The following AMACR variants were observed in gnomAD, a reference collection of about 807,000 sequenced individuals.
AMACR encodes alpha-methylacyl-CoA racemase.
A neutral mutation model predicts 22.2 loss-of-function variants in AMACR; 18 were observed. The ratio of observed to expected loss-of-function variants is 0.81; its 90% CI spans 0.56 to 1.20. The LOEUF (loss-of-function observed/expected upper bound fraction) is 1.20. AMACR is among the 50% of genes most tolerant of loss of function. The pLI, the probability that AMACR is intolerant of heterozygous loss-of-function variation, is 0.00. For missense variants in AMACR, 499 were observed against 490.6 expected (o/e 1.02, Z -0.16); for synonymous variants, 213 against 191.3 (o/e 1.11, Z -0.94).
Position 33,988,272 on chromosome 5 carries a change from A to C in AMACR, c.*821T>G, listed in dbSNP as rs374920284. 101 of 1,504,688 alleles carry C rather than the reference A, an allele frequency of 6.7e-5. No homozygotes were observed. Among genetic ancestry groups the C allele is most frequent in the Admixed American group, 1.2e-4 (6 of 50,926 alleles). The allele number at this position is 1,504,688 out of a possible 1,614,324, so 93.2% of individuals were successfully genotyped here. ...GCTTGTAACTTAACTCAGTCCAAGG[A>C]GACACAAAACGACTTGCTGGGGGGT... is the stretch of plus-strand genomic sequence containing the variant. On this transcript the variant is annotated 3_prime_UTR_variant, in exon 5 of 5. Coordinates refer to ENST00000335606, the MANE Select transcript of AMACR (RefSeq NM_014324.6).
At chr5:34,005,973 CAT>C in intron 1 of AMACR, 74 bp from the exon 2 acceptor site, 1 of 1,525,150 alleles carries the variant, frequency 6.6e-7, no homozygotes, top group Non-Finnish European at 9.0e-7. Flanking sequence ...CTGAGACAAA[CAT>C]AAAATAGCAC....
intron 1 of AMACR, among the ~76,000 whole-genome samples, chr5:34,006,749 G>A (rs939072637): frequency 2.0e-5 from 3 of 152,234 alleles, no homozygotes; most frequent in Non-Finnish European, 4.4e-5. Context: ...ACAGCTGTGA[G>A]GGTTAAATGA....
At chr5:33,989,673 C>A (rs926446614) in intron 4 of AMACR, among the ~76,000 whole-genome samples, 171 bp from the exon 5 acceptor site, 6 of 152,100 alleles carry the variant, frequency 3.9e-5, no homozygotes, top group Admixed American at 3.9e-4. Context: ...GAGCCAAAGG[C>A]TAGAGAGGGC....
intron 2 of AMACR, among the ~76,000 whole-genome samples, chr5:34,005,036 T>C (rs1484370156): frequency 6.6e-6 from 1 of 152,252 alleles, no homozygotes; most frequent in Non-Finnish European, 1.5e-5. Flanking sequence ...TTTGTGGTTT[T>C]AAAACAGTAA....
chr5:34,007,048 T>C (rs1754001622), intron 1 of AMACR, among the ~76,000 whole-genome samples: 1 of 152,228 alleles, frequency 6.6e-6, no homozygotes, highest in Admixed American at 6.5e-5. Flanking sequence ...AAAGGAAGAC[T>C]GGAGTCCATG....
At chr5:33,997,253 A>T (rs1753668028) in intron 4 of AMACR, 1 of 770,764 alleles carries the variant, frequency 1.3e-6, no homozygotes, top group Non-Finnish European at 2.4e-6. Flanking sequence ...TCCTTTCTTT[A>T]TTGGTCCGGA....
intron 3 of AMACR, among the ~76,000 whole-genome samples, chr5:34,004,081 TA>T (rs1753896905): frequency 6.6e-6 from 1 of 152,204 alleles, no homozygotes; most frequent in South Asian, 2.1e-4. Flanking sequence ...ACAGAAGTGT[TA>T]TGATATCAGA....
chr5:34,002,037 C>T (rs1432395064), intron 3 of AMACR, among the ~76,000 whole-genome samples: 1 of 152,220 alleles, frequency 6.6e-6, no homozygotes, highest in African/African-American at 2.4e-5. Flanking sequence ...CACTCTGTCA[C>T]CCAGGCTGAA....
chr5:34,006,335 G>A (rs1200506364), intron 1 of AMACR, among the ~76,000 whole-genome samples: 2 of 152,206 alleles, frequency 1.3e-5, no homozygotes, highest in African/African-American at 4.8e-5. Context: ...AGGCGCTAAA[G>A]TGCCTAGCAT....
intron 4 of AMACR, chr5:33,997,105 G>C (rs752799272): frequency 1.3e-5 from 10 of 759,100 alleles, no homozygotes; most frequent in South Asian, 7.0e-5. Flanking sequence ...TGCTGTGAGA[G>C]AGCCAAGTTC....
rs188455864 is a variant in AMACR at position 33,997,034 on chromosome 5, C to T, written c.739+1607G>A. On this transcript the variant is annotated intron_variant, in intron 4 of 4. Coordinates refer to ENST00000335606, the MANE Select transcript of AMACR (RefSeq NM_014324.6). ...TTTTACACGTTTATTTTCATTAAAA[C>T]TTATTTAAGTCACTTTGGACCCAGC... The T allele has an allele frequency of 1.0e-3, 694 of 662,204 alleles. 2 individuals carry two copies. In the African/African-American group the frequency reaches 0.011, roughly 11 times the overall value. 41.0% of individuals were successfully genotyped at this position (662,204 alleles called of 1,614,324 possible).
In AMACR at chr5:34,007,692, CG is replaced by C. The variant is rs1754027141; in HGVS notation, c.247+80del. The C allele has an allele frequency of 1.3e-5, 19 of 1,447,176 alleles. No homozygotes were observed. In the East Asian group the frequency reaches 4.8e-4, roughly 37 times the overall value. 89.6% of individuals were successfully genotyped at this position (1,447,176 alleles called of 1,614,324 possible). A position where few individuals can be genotyped will look rare whatever the true frequency, so the allele number is the denominator to read the frequency against. ...TTGCGGCAACAGGGCAAAGGTGTGG[CG>C]GGTGCAGCCTCGATCGAACGGCCAG... On this transcript the variant is annotated intron_variant, in intron 1 of 4. Coordinates refer to ENST00000335606, the MANE Select transcript of AMACR (RefSeq NM_014324.6).
chr5:33,995,708 T>C (rs770909287), intron 4 of AMACR, among the ~76,000 whole-genome samples: 5 of 152,152 alleles, frequency 3.3e-5, no homozygotes, highest in South Asian at 2.1e-4. Flanking sequence ...AATAACAGGA[T>C]ACACCAAGGA....
chr5:33,992,701 C>G (rs1411100760), intron 4 of AMACR, among the ~76,000 whole-genome samples: 1 of 152,056 alleles, frequency 6.6e-6, no homozygotes, highest in Non-Finnish European at 1.5e-5. Flanking sequence ...CAGTGTAAGT[C>G]CTTGTCTCAA....
At chr5:33,998,384 C>G (rs1753705935) in intron 4 of AMACR, among the ~76,000 whole-genome samples, 1 of 152,074 alleles carries the variant, frequency 6.6e-6, no homozygotes, top group African/African-American at 2.4e-5. Context: ...AAGGAGTGAA[C>G]TGTAATAAAA....
rs1753374825 is a variant in AMACR at position 33,988,673 on chromosome 5, T to A, written c.*420A>T. 8.1e-7 allele frequency: 1 copy of A among 1,230,420 alleles called. No homozygotes were observed. Among genetic ancestry groups the A allele is most frequent in the African/African-American group, 1.5e-5 (1 of 64,954 alleles). The allele number at this position is 1,230,420 out of a possible 1,614,324, so 76.2% of individuals were successfully genotyped here. On this transcript the variant is annotated 3_prime_UTR_variant, in exon 5 of 5. Transcript: ENST00000335606. Reference sequence around the variant, plus strand: ...CCTGGATGCAACCAATCACTCTGTTTCACGTGACTTTTATCACCATACAAT... The same window carrying A: ...CCTGGATGCAACCAATCACTCTGTTACACGTGACTTTTATCACCATACAAT...
chr5:34,000,164 T>G (rs932366420), intron 3 of AMACR, among the ~76,000 whole-genome samples: 6 of 152,238 alleles, frequency 3.9e-5, no homozygotes, highest in Non-Finnish European at 8.8e-5. Context: ...ATGGTTCTCC[T>G]CTCCTCTTAA....
At chr5:34,005,694 A>G (rs1753950423) in intron 2 of AMACR, 62 bp downstream of exon 2, 1 of 1,588,464 alleles carries the variant, frequency 6.3e-7, no homozygotes, top group African/African-American at 1.3e-5. Flanking sequence ...TTGTTAATCA[A>G]CATACCTGTA....
chr5:33,994,347 T>C (rs533389344), intron 4 of AMACR, among the ~76,000 whole-genome samples: 2 of 151,990 alleles, frequency 1.3e-5, no homozygotes, highest in South Asian at 4.2e-4. Flanking sequence ...CCTGACTAAT[T>C]TTTGTATCTT....
Sources: allele counts gnomAD v4.1 joint callset (sites outside exome capture counted in the v4.1 genomes callset), GRCh38; gene constraint gnomAD v4.1.1; transcripts MANE v1.5; gene names NCBI Gene and HGNC (gene_info 2026-07-23, HGNC 2026-07-21).